Variants in MACF1 observed in about 807,000 individuals in gnomAD.
MACF1 encodes the protein microtubule actin crosslinking factor 1.
A neutral mutation model predicts 854.8 loss-of-function variants in MACF1; 193 were observed. The ratio of observed to expected loss-of-function variants is 0.23; its 90% CI spans 0.20 to 0.25. MACF1 has a LOEUF of 0.25. MACF1 is among the 10% of genes least tolerant of loss of function. The pLI is 1.00. For missense variants in MACF1, 7,722 were observed against 8,929.1 expected (o/e 0.86, Z 5.45); for synonymous variants, 3,185 against 3,226.7 (o/e 0.99, Z 0.44).
chr1:39,295,085 C>T lies in MACF1; in HGVS notation c.2194C>T (p.Arg732Cys), dbSNP rs754711562. The T allele has an allele frequency of 5.0e-6, 8 of 1,613,884 alleles. No individual in the cohort carries two copies. The South Asian group carries it at 5.5e-5, about 11-fold the overall frequency. ...ACTGGAGGAGAAACAGGATGTGTTT[C>T]GTTCTCTACAAGATACAGCAGAACT... ...MELEEKQDVFRSLQDTAELLS... is the reference protein window; with the variant it reads ...MELEEKQDVFCSLQDTAELLS... The change falls in exon 19 of 101, where the codon CGT becomes TGT. Residue 732 changes from arginine to cysteine, a missense_variant. Arg to Cys is a radical substitution (Grantham distance 180). Coordinates refer to ENST00000564288, the MANE Select transcript of MACF1 (RefSeq NM_001394062.1).
chr1:39,261,345 T>C (rs1405397685), intron 6 of MACF1, among the ~76,000 whole-genome samples: 1 of 152,228 alleles, frequency 6.6e-6, no homozygotes, highest in Non-Finnish European at 1.5e-5. Context: ...GTAATTTACA[T>C]ACCATCAAAT....
chr1:39,328,430 C>G (rs1011856366), intron 36 of MACF1: 3 of 152,154 alleles, frequency 2.0e-5, no homozygotes, highest in Non-Finnish European at 2.9e-5. Flanking sequence ...TGCTGAGCAC[C>G]ACTACATTGA....
intron 46 of MACF1, 81 bp downstream of exon 46, chr1:39,358,954 T>C: frequency 2.0e-6 from 3 of 1,497,266 alleles, no homozygotes; most frequent in Non-Finnish European, 2.7e-6. Flanking sequence ...AAGCAAATGC[T>C]TACATAAAAT....
At chr1:39,342,611 A>C (rs554837821) in intron 40 of MACF1, among the ~76,000 whole-genome samples, 123 of 145,538 alleles carry the variant, frequency 8.5e-4, no homozygotes, top group Non-Finnish European at 1.2e-3. Flanking sequence ...ATCTCAGCTC[A>C]CTGCAACCTC....
chr1:39,333,714 C>T lies in MACF1; in HGVS notation c.7126C>T (p.Pro2376Ser). The change falls in exon 37 of 101, where the codon CCC becomes TCC. Residue 2376 changes from proline (P) to serine (S), a missense_variant. By Grantham distance (74) the Pro-to-Ser change is moderately conservative (BLOSUM62 -1). Around this residue, in one of 15 missense-constraint regions of MACF1, gnomAD observed 1,531 missense variants for 1,601.6 expected, o/e 0.96. Coordinates refer to ENST00000564288, the MANE Select transcript of MACF1 (RefSeq NM_001394062.1). ...CAAAGCTATAAGTGGTGTCTTAGAC[C>T]CCCGTACCCAGACACTGTGCTCTGT... is the stretch of plus-strand genomic sequence containing the variant. Reference protein sequence around the residue: ...ADKAISGVLDPRTQTLCSVKD... With the variant: ...ADKAISGVLDSRTQTLCSVKD... 6.2e-7 allele frequency: 1 copy of T among 1,614,044 alleles called. No individual in the cohort carries two copies.
intron 58 of MACF1, among the ~76,000 whole-genome samples, chr1:39,397,696 G>A (rs1324444516): frequency 1.3e-5 from 2 of 152,210 alleles, no homozygotes; most frequent in East Asian, 1.9e-4. Context: ...GTGCTGACTC[G>A]CTCATGTAAT....
rs1238356684 is a variant in MACF1 at position 39,331,236 on chromosome 1, G to C, written c.4648G>C (p.Gly1550Arg). ...AGCAGTTGCTGGGGTGATTGACCTAGGCACAGTGGAGATATTTCCCATCTT... is the reference window on the plus strand; with the variant it reads ...AGCAGTTGCTGGGGTGATTGACCTACGCACAGTGGAGATATTTCCCATCTT... ...CRAVAGVIDLGTVEIFPIFKA... is the reference protein window; with the variant it reads ...CRAVAGVIDLRTVEIFPIFKA... Residue 1550 changes from glycine to arginine, a missense_variant, in exon 37 of 101, where the codon GGC (glycine) becomes CGC (arginine). Around this residue, in one of 15 missense-constraint regions of MACF1, gnomAD observed 1,531 missense variants for 1,601.6 expected, o/e 0.96. Transcript: ENST00000564288. 1 of 1,602,444 alleles carries C rather than the reference G, an allele frequency of 6.2e-7. No homozygotes were observed. The highest frequency in any genetic ancestry group is 1.7e-5 in the Admixed American group (1 of 58,758).
chr1:39,308,051 T>C (rs1326935567), intron 23 of MACF1, among the ~76,000 whole-genome samples: 3 of 150,694 alleles, frequency 2.0e-5, no homozygotes, highest in African/African-American at 7.3e-5. Context: ...ACTACAGGCA[T>C]CTGCCACCAC....
chr1:39,191,448 G>A (rs1424203343), intron 2 of MACF1, among the ~76,000 whole-genome samples: 1 of 152,164 alleles, frequency 6.6e-6, no homozygotes, highest in Non-Finnish European at 1.5e-5. Flanking sequence ...CATCTATTGG[G>A]AGAAAGTTTA....
chr1:39,317,403 A>G lies in MACF1; in HGVS notation c.3778A>G (p.Ile1260Val). 2 of 1,612,346 alleles carry G rather than the reference A, an allele frequency of 1.2e-6. No individual in the cohort carries two copies. The change falls in exon 29 of 101, where the codon ATT (isoleucine) becomes GTT (valine). Residue 1260 changes from isoleucine to valine, a missense_variant. Transcript: ENST00000564288. Reference sequence around the variant, plus strand: ...GCACCGAGTCATTGCCCAGCTCGAGATTCGGTGAGTGGTGGCCCCACCTTT... The same window carrying G: ...GCACCGAGTCATTGCCCAGCTCGAGGTTCGGTGAGTGGTGGCCCCACCTTT... ...RWHRVIAQLE[I>V]RQSELESIQE...
chr1:39,149,269 C>T (rs947718011), intron 2 of MACF1, among the ~76,000 whole-genome samples: 3 of 152,106 alleles, frequency 2.0e-5, no homozygotes, highest in African/African-American at 4.8e-5. Flanking sequence ...TGTGGTGGCA[C>T]ACCTGTGATC....
chr1:39,102,010 A>C (rs1642092248), intron 2 of MACF1, among the ~76,000 whole-genome samples: 1 of 150,944 alleles, frequency 6.6e-6, no homozygotes, highest in East Asian at 2.0e-4. Flanking sequence ...CCCCGTCTCT[A>C]CTAAAAATAC....
intron 21 of MACF1, 116 bp from the exon 22 acceptor site, chr1:39,300,094 C>G (rs2148414341): frequency 2.9e-6 from 3 of 1,049,796 alleles, no homozygotes; most frequent in Middle Eastern, 4.8e-4. Context: ...CCAACCATCC[C>G]TACTTAACTG....
At chr1:39,118,523 G>T (rs542521768) in intron 2 of MACF1, among the ~76,000 whole-genome samples, 1 of 152,364 alleles carries the variant, frequency 6.6e-6, no homozygotes, top group East Asian at 1.9e-4. Context: ...AACTGCCAAA[G>T]GGCTGGAAAT....
At chr1:39,434,933 C>G (rs1457023318) in intron 69 of MACF1, among the ~76,000 whole-genome samples, 1 of 152,156 alleles carries the variant, frequency 6.6e-6, no homozygotes, top group Non-Finnish European at 1.5e-5. Context: ...TTGTTACACT[C>G]AAGGTATGGT....
chr1:39,090,379 C>T (rs1641773504), intron 2 of MACF1, among the ~76,000 whole-genome samples: 1 of 152,206 alleles, frequency 6.6e-6, no homozygotes, highest in Admixed American at 6.5e-5. Flanking sequence ...TAGCTACACA[C>T]CACCAGCTCA....
At chr1:39,273,500 G>A (rs2148364038) in intron 6 of MACF1, among the ~76,000 whole-genome samples, 1 of 152,208 alleles carries the variant, frequency 6.6e-6, no homozygotes, top group Non-Finnish European at 1.5e-5. Context: ...ACTAATACTG[G>A]CTTTGTACTG....
chr1:39,378,605 T>C, intron 53 of MACF1, 82 bp downstream of exon 53: 1 of 1,346,330 alleles, frequency 7.4e-7, no homozygotes. Context: ...TGTTGCAATA[T>C]GTGGTGGAAG....
At chr1:39,427,149 C>G (rs1557648627) in intron 61 of MACF1, among the ~76,000 whole-genome samples, 1 of 152,054 alleles carries the variant, frequency 6.6e-6, no homozygotes, top group South Asian at 2.1e-4. Context: ...TGCTACTCAC[C>G]AGGTGATTGG....
Sources: allele counts gnomAD v4.1 joint callset (sites outside exome capture counted in the v4.1 genomes callset), GRCh38; gene constraint gnomAD v4.1.1; regional missense constraint gnomAD v4.1.1; transcripts MANE v1.5; gene names NCBI Gene and HGNC (gene_info 2026-07-23, HGNC 2026-07-21).